Variants in SLC12A7 observed in about 807,000 individuals in gnomAD.
SLC12A7 encodes solute carrier family 12 member 7.
Under a neutral mutation model 120.6 loss-of-function variants are expected in SLC12A7, and 100 were observed. The ratio of observed to expected loss-of-function variants is 0.83; its 90% confidence interval spans 0.71 to 0.98. The LOEUF is 0.98. SLC12A7 is among the 50% of genes least tolerant of loss of function. The pLI, the probability that SLC12A7 is intolerant of heterozygous loss-of-function variation, is 0.00. For missense variants in SLC12A7, 1,373 were observed against 1,548.1 expected, an observed-to-expected ratio of 0.89 and a Z score of 1.90; for synonymous variants, 760 against 678.0, an observed-to-expected ratio of 1.12 and a Z score of -1.88.
intron 18 of SLC12A7, among the ~76,000 whole-genome samples, 197 bp from the exon 19 acceptor site, chr5:1,064,449 C>T (rs1172522254): frequency 6.6e-6 from 1 of 152,234 alleles, no homozygotes; most frequent in East Asian, 1.9e-4. Flanking sequence ...GTCATGTGTC[C>T]AGGGAATCCC....
chr5:1,070,495 CG>C (rs543260961), intron 17 of SLC12A7, among the ~76,000 whole-genome samples: 4 of 2,386 alleles, frequency 1.7e-3, no homozygotes, highest in African/African-American at 2.4e-3. Context: ...CCCCAGCACA[CG>C]GGCATCACAC....
At chr5:1,139,024 C>T in the SLC12A7 span, among the ~76,000 whole-genome samples, 1 of 152,052 alleles carries the variant, frequency 6.6e-6, no homozygotes, top group African/African-American at 2.4e-5. Flanking sequence ...GAAGTCTTGA[C>T]TTTGAAACAG....
At chr5:1,082,074 GGGTTCTGGAAAGCCTGGGCTTCCTC>G (rs1739204983) in intron 8 of SLC12A7, among the ~76,000 whole-genome samples, 2 of 52,188 alleles carry the variant, frequency 3.8e-5, no homozygotes, top group South Asian at 1.5e-3. Flanking sequence ...TTCCCATCTT[GGGTTCTGGAAAGCCTGGGCTTCCTC>G]TCTAGGGTTC....
In SLC12A7 at chr5:1,052,303, C is replaced by T. The variant is rs748227509; in HGVS notation, c.*57G>A. ...TGTTTCCCTGGGCCAAGCCCAGGCC[C>T]AGGCTGCCCACGCCGTCCTCCGTGC... On this transcript the variant is annotated 3_prime_UTR_variant, in exon 24 of 24. Coordinates refer to ENST00000264930, the MANE Select transcript of SLC12A7 (RefSeq NM_006598.3). 1.4e-6 allele frequency: 2 copies of T among 1,450,936 alleles called. No homozygotes were observed. Among genetic ancestry groups the T allele is most frequent in the East Asian group, 4.5e-5 (2 of 44,068 alleles). The allele number at this position is 1,450,936 out of a possible 1,614,324, so 89.9% of individuals were successfully genotyped here.
chr5:1,125,361 A>G, the SLC12A7 span, among the ~76,000 whole-genome samples: 1 of 152,340 alleles, frequency 6.6e-6, no homozygotes, highest in East Asian at 1.9e-4. Context: ...AAGTAAAGTC[A>G]AACGGCACAC....
At chr5:1,111,815 G>A in intron 1 of SLC12A7, 53 bp downstream of exon 1, 1 of 1,192,452 alleles carries the variant, frequency 8.4e-7, no homozygotes. Flanking sequence ...GCCGGGCCCA[G>A]ACCCGCGCTC....
rs371611710 is a variant in SLC12A7, at chr5:1,066,425, G to T, written c.2242-947C>A. Among the ~76,000 whole-genome samples the T allele has an allele frequency of 7.4e-4, 112 of 152,296 alleles. 2 individuals are homozygous for T. Among genetic ancestry groups the T allele is most frequent in the African/African-American group, 2.6e-3 (109 of 41,564 alleles). ...TGGGACTCAGAGCTGGTCTGTGCAG[G>T]CCTGAGACTTCAGGAGACACTGAGA... On this transcript the variant is annotated intron_variant, in intron 17 of 23. Coordinates refer to ENST00000264930, the MANE Select transcript of SLC12A7 (RefSeq NM_006598.3).
At chr5:1,079,756 C>T (rs760614355) in intron 9 of SLC12A7, among the ~76,000 whole-genome samples, 22 of 152,328 alleles carry the variant, frequency 1.4e-4, no homozygotes, top group East Asian at 3.9e-4. Context: ...CTGACCCCCA[C>T]GCCCCCCACA....
At chr5:1,145,195 G>A in the SLC12A7 span, among the ~76,000 whole-genome samples, 1 of 152,282 alleles carries the variant, frequency 6.6e-6, no homozygotes, top group African/African-American at 2.4e-5. The surrounding 1 kb of genome is among the most constrained non-coding windows in gnomAD (Gnocchi z 4.4). Context: ...TCTGGAGACA[G>A]GACAGTGAGT....
intron 1 of SLC12A7, among the ~76,000 whole-genome samples, chr5:1,105,605 GC>G (rs950517031): frequency 2.0e-5 from 3 of 152,268 alleles, no homozygotes; most frequent in African/African-American, 7.2e-5. Flanking sequence ...TCAGGCTGCT[GC>G]GCTGAAGCCA....
At chr5:1,149,799 T>C in the SLC12A7 span, among the ~76,000 whole-genome samples, 1 of 152,012 alleles carries the variant, frequency 6.6e-6, no homozygotes, top group African/African-American at 2.4e-5. Flanking sequence ...GAGGCCAAGG[T>C]GGGCGGATCA....
At chr5:1,096,190 T>C (rs1264916106) in intron 1 of SLC12A7, among the ~76,000 whole-genome samples, 1 of 152,144 alleles carries the variant, frequency 6.6e-6, no homozygotes, top group African/African-American at 2.4e-5. Flanking sequence ...AATACGCCTG[T>C]GAGAGGCACC....
In SLC12A7 at chr5:1,078,696, C is replaced by T. The variant is rs1266960961; in HGVS notation, c.1454+5G>A. The T allele has an allele frequency of 6.8e-6, 11 of 1,611,172 alleles. No homozygotes were observed. Among genetic ancestry groups the T allele is most frequent in the Admixed American group, 1.7e-5 (1 of 59,938 alleles). On this transcript the variant is annotated splice_donor_5th_base_variant and intron_variant, in intron 11 of 23. Transcript: ENST00000264930. ...TTTGCACGAAAACTGCAGGTGGAAA[C>T]GTACTTATCTCGTAAGACCACGCCT...
At chr5:1,056,369 C>T (rs558698399) in intron 22 of SLC12A7, among the ~76,000 whole-genome samples, 3 of 152,196 alleles carry the variant, frequency 2.0e-5, no homozygotes, top group Non-Finnish European at 4.4e-5. Context: ...CTGGAGCCAC[C>T]GTGAACAGAG....
chr5:1,094,371 T>C, intron 1 of SLC12A7, 123 bp from the exon 2 acceptor site: 1 of 719,460 alleles, frequency 1.4e-6, no homozygotes. Context: ...AAACCATGGC[T>C]AAGGGTGATA....
At chr5:1,087,484 G>A (rs1374096691) in intron 5 of SLC12A7, among the ~76,000 whole-genome samples, 1 of 152,290 alleles carries the variant, frequency 6.6e-6, no homozygotes, top group East Asian at 1.9e-4. Context: ...CCCCAGGGCT[G>A]CCTGGAGAAC....
chr5:1,082,069 A>G (rs11739176), intron 8 of SLC12A7, among the ~76,000 whole-genome samples: 25 of 53,896 alleles, frequency 4.6e-4, no homozygotes, highest in African/African-American at 1.5e-3. Flanking sequence ...TGGGCTTCCC[A>G]TCTTGGGTTC....
chr5:1,065,300 G>A lies in SLC12A7; in HGVS notation c.2420C>T (p.Ser807Phe), dbSNP rs373925941. 1.2e-5 allele frequency: 19 copies of A among 1,571,072 alleles called. No homozygotes were observed. In the East Asian group the frequency reaches 3.2e-4, roughly 26 times the overall value. The stretch of plus-strand genomic sequence containing the variant: ...ATGCCTACCCACAAAGTTCTTCCAG[G>A]AGAAGGGGTTGTCCTCCTGCTTCCA... ...ASWKQEDNPF[S>F]WKNFVDTVRD... Residue 807 changes from serine to phenylalanine, a missense_variant, in exon 18 of 24, where the codon TCC becomes TTC. Ser to Phe is a radical substitution (Grantham distance 155). Transcript: ENST00000264930.
At chr5:1,066,933 C>T (rs1009164790) in intron 17 of SLC12A7, among the ~76,000 whole-genome samples, 3 of 152,166 alleles carry the variant, frequency 2.0e-5, no homozygotes, top group Non-Finnish European at 2.9e-5. Flanking sequence ...ACAGCAGCCC[C>T]GGGCCACTCA....
Sources: gnomAD v4.1 joint callset for allele counts (sites outside exome capture counted in the v4.1 genomes callset) on GRCh38, gnomAD v4.1.1 for gene constraint, Gnocchi (gnomAD v3.1) non-coding constraint, MANE v1.5 for transcripts, NCBI Gene and HGNC (gene_info 2026-07-23, HGNC 2026-07-21) for gene names.